LYPD6: variants seen among roughly 807,000 people sequenced by gnomAD.
The protein encoded by LYPD6 is LY6/PLAUR domain containing 6.
LYPD6 carries 15 observed loss-of-function variants against 22.7 expected under a neutral mutation model. That is an observed-to-expected ratio of 0.66 (90% confidence interval 0.44 to 1.02). The LOEUF (loss-of-function observed/expected upper bound fraction) is 1.02. LYPD6 is among the 50% of genes least tolerant of loss of function. The pLI, the probability that LYPD6 is intolerant of heterozygous loss-of-function variation, is 0.00. For missense variants in LYPD6, 189 were observed against 208.4 expected (o/e 0.91, Z 0.57); for synonymous variants, 72 against 77.5 (o/e 0.93, Z 0.37).
intron 1 of LYPD6, among the ~76,000 whole-genome samples, chr2:149,397,780 TA>T (rs1325699345): frequency 6.6e-6 from 1 of 152,230 alleles, no homozygotes; most frequent in African/African-American, 2.4e-5. Context: ...GATGCCAGTC[TA>T]ATGACTTTTC....
intron 1 of LYPD6, among the ~76,000 whole-genome samples, chr2:149,343,688 A>T (rs1681203106): frequency 6.6e-6 from 1 of 152,206 alleles, no homozygotes; most frequent in African/African-American, 2.4e-5. Context: ...GAAAGGAAAG[A>T]TGTTGAGATC....
intron 1 of LYPD6, among the ~76,000 whole-genome samples, chr2:149,334,474 GAT>G (rs1475236645): frequency 6.6e-6 from 1 of 152,216 alleles, no homozygotes; most frequent in African/African-American, 2.4e-5. Context: ...GGAGGTAATA[GAT>G]CAAGAAGTGG....
Position 149,425,571 on chromosome 2 carries a change from A to G in LYPD6, c.-71-12067A>G, listed in dbSNP as rs181485721. Among the ~76,000 whole-genome samples the G allele has an allele frequency of 3.2e-3, 488 of 152,330 alleles. 2 individuals are homozygous for G. Among genetic ancestry groups the G allele is most frequent in the Middle Eastern group, 6.8e-3 (2 of 294 alleles). On this transcript the variant is annotated intron_variant, in intron 1 of 4. Transcript: ENST00000334166. ...CAAAAATGTTCTATTATCAAGGACAACGCTCTTTTATTAATAACCCCTGTA... is the reference window on the plus strand; with the variant it reads ...CAAAAATGTTCTATTATCAAGGACAGCGCTCTTTTATTAATAACCCCTGTA...
chr2:149,424,606 A>T (rs2105136426), intron 1 of LYPD6, among the ~76,000 whole-genome samples: 1 of 152,266 alleles, frequency 6.6e-6, no homozygotes, highest in African/African-American at 2.4e-5. Flanking sequence ...TTTCTAATTG[A>T]TCTGGTGTGA....
intron 1 of LYPD6, among the ~76,000 whole-genome samples, chr2:149,345,367 C>T (rs1035164785): frequency 9.8e-5 from 14 of 142,380 alleles, no homozygotes; most frequent in Admixed American, 9.5e-4. Context: ...AGTGCAGTGG[C>T]GCGATCTCAG....
intron 1 of LYPD6, among the ~76,000 whole-genome samples, chr2:149,340,505 C>CT (rs1289587559): frequency 1.3e-5 from 2 of 152,130 alleles, no homozygotes; most frequent in African/African-American, 2.4e-5. Context: ...CTGGGCTCTC[C>CT]TGTAGTGTAA....
intron 2 of LYPD6, among the ~76,000 whole-genome samples, chr2:149,443,080 A>G (rs1683604333): frequency 6.6e-6 from 1 of 152,186 alleles, no homozygotes; most frequent in Admixed American, 6.5e-5. Flanking sequence ...TTAAATTTCA[A>G]TATACTTTGG....
At chr2:149,415,276 C>T (rs1217894406) in intron 1 of LYPD6, among the ~76,000 whole-genome samples, 1 of 152,166 alleles carries the variant, frequency 6.6e-6, no homozygotes, top group Non-Finnish European at 1.5e-5. Context: ...GGGCCAGAAT[C>T]AACTCTCGTC....
intron 1 of LYPD6, among the ~76,000 whole-genome samples, chr2:149,434,798 T>G (rs963035994): frequency 3.9e-5 from 6 of 152,180 alleles, no homozygotes; most frequent in Non-Finnish European, 7.3e-5. Context: ...CTCATGGTCC[T>G]ATAACCTGGG....
At chr2:149,377,792 C>T (rs1464671784) in intron 1 of LYPD6, among the ~76,000 whole-genome samples, 2 of 116,892 alleles carry the variant, frequency 1.7e-5, no homozygotes, top group Non-Finnish European at 3.6e-5. Context: ...CCCCCCCCCC[C>T]ACCCCCCCAA....
intron 2 of LYPD6, among the ~76,000 whole-genome samples, chr2:149,438,981 T>C (rs1158502183): frequency 6.6e-6 from 1 of 152,226 alleles, no homozygotes; most frequent in Non-Finnish European, 1.5e-5. Flanking sequence ...GTTAGGAGAA[T>C]TCTTTGTGTT....
chr2:149,466,689 G>A (rs1361305401), intron 3 of LYPD6, among the ~76,000 whole-genome samples: 2 of 152,108 alleles, frequency 1.3e-5, no homozygotes, highest in Non-Finnish European at 2.9e-5. Flanking sequence ...TTATTTTAAG[G>A]CTTACTTAAA....
At chr2:149,374,770 A>G (rs750335721) in intron 1 of LYPD6, among the ~76,000 whole-genome samples, 22 of 152,220 alleles carry the variant, frequency 1.4e-4, no homozygotes, top group South Asian at 2.1e-4. Context: ...TTTACTATAC[A>G]TGGTTAATAT....
chr2:149,483,606 T>C, the LYPD6 span, among the ~76,000 whole-genome samples: 1 of 152,192 alleles, frequency 6.6e-6, no homozygotes, highest in Non-Finnish European at 1.5e-5. Context: ...ATATGCTATT[T>C]GCAGTTGGTT....
At chr2:149,474,333 G>C (rs143828638), downstream of LYPD6, among the ~76,000 whole-genome samples, 5 of 152,038 alleles carry the variant, frequency 3.3e-5, no homozygotes, top group African/African-American at 1.2e-4. Context: ...CGAGTAGCTG[G>C]GACTACAGTA....
At chr2:149,374,344 A>G (rs1388632471) in intron 1 of LYPD6, among the ~76,000 whole-genome samples, 2 of 152,204 alleles carry the variant, frequency 1.3e-5, no homozygotes, top group African/African-American at 4.8e-5. Context: ...ATGGCTTTGT[A>G]TTTGATGTCA....
chr2:149,411,365 G>A (rs534897069), intron 1 of LYPD6, among the ~76,000 whole-genome samples: 91 of 151,866 alleles, frequency 6.0e-4, no homozygotes, highest in Non-Finnish European at 1.1e-3. Context: ...GACATCACTC[G>A]TCATGTTTCC....
rs147919262 is a variant in LYPD6, at chr2:149,362,003, G to A, written c.-72+31281G>A. 7.1e-4 allele frequency among the ~76,000 whole-genome samples: 108 copies of A among 152,262 alleles called. 3 individuals carry two copies. In the East Asian group the frequency reaches 0.02, roughly 28 times the overall value. The stretch of plus-strand genomic sequence containing the variant: ...GGTAAAGGAAGGCACCATGAGCCAA[G>A]GAGTGCATGTAGCCTCTGGAAAAGG... On this transcript the variant is annotated intron_variant, in intron 1 of 4. Transcript: ENST00000334166.
At chr2:149,378,389 A>T (rs1325281338) in intron 1 of LYPD6, among the ~76,000 whole-genome samples, 1 of 152,216 alleles carries the variant, frequency 6.6e-6, no homozygotes, top group Non-Finnish European at 1.5e-5. Context: ...AAGTGCTAGG[A>T]TTACAGGCAT....
Sources: allele counts gnomAD v4.1 joint callset (sites outside exome capture counted in the v4.1 genomes callset), GRCh38; gene constraint gnomAD v4.1.1; transcripts MANE v1.5; gene names NCBI Gene and HGNC (gene_info 2026-07-23, HGNC 2026-07-21).